The following PGRMC2 variants were observed in gnomAD, a reference collection of about 807,000 sequenced individuals.
PGRMC2 encodes membrane-associated progesterone receptor component 2.
Under a neutral mutation model 19.3 loss-of-function variants are expected in PGRMC2, and 9 were observed. The ratio of observed to expected loss-of-function variants is 0.47; its 90% CI spans 0.28 to 0.81. The LOEUF is 0.81. Ranked by LOEUF, PGRMC2 falls within the 40% of genes least tolerant of loss-of-function variation. The pLI, the probability that PGRMC2 is intolerant of heterozygous loss-of-function variation, is 0.11. For missense variants in PGRMC2, 289 were observed against 297.3 expected, an observed-to-expected ratio of 0.97 and a Z score of 0.21; for synonymous variants, 157 against 124.6, an observed-to-expected ratio of 1.26 and a Z score of -1.73.
At chr4:128,275,656 C>T (rs1357156348) in intron 1 of PGRMC2, among the ~76,000 whole-genome samples, 1 of 152,180 alleles carries the variant, frequency 6.6e-6, no homozygotes, top group Non-Finnish European at 1.5e-5. Flanking sequence ...CCTCAGGAAG[C>T]ATTTAACTTC....
In PGRMC2 at chr4:128,270,474, A is replaced by G. The variant is rs1036271763; in HGVS notation, c.*842T>C. ...TTACATTCTATATACACAGAATGAT[A>G]TCAAGGTTTTATGGTCAACAGAATA... On this transcript the variant is annotated 3_prime_UTR_variant, in exon 3 of 3. Transcript: ENST00000296425. 9 of 152,806 alleles carry G rather than the reference A, an allele frequency of 5.9e-5. No individual in the cohort carries two copies. Among genetic ancestry groups the G allele is most frequent in the African/African-American group, 1.7e-4 (7 of 41,594 alleles). The allele number at this position is 152,806 out of a possible 1,614,324, so 9.5% of individuals were successfully genotyped here. A position where few individuals can be genotyped will look rare whatever the true frequency, so the allele number is the denominator to read the frequency against.
intron 1 of PGRMC2, among the ~76,000 whole-genome samples, chr4:128,278,121 G>A (rs1253308217): frequency 2.0e-5 from 3 of 152,164 alleles, no homozygotes; most frequent in Non-Finnish European, 2.9e-5. Flanking sequence ...GCCCAGGCCC[G>A]TGCCACTTAT....
Position 128,280,410 on chromosome 4 carries a change from T to C in PGRMC2, c.418+6963A>G, listed in dbSNP as rs371915653. 1.4e-3 allele frequency among the ~76,000 whole-genome samples: 196 copies of C among 141,958 alleles called. No homozygotes were observed. The South Asian group carries it at 0.022, about 16-fold the overall frequency. 93.1% of individuals were successfully genotyped at this position (141,958 alleles called of 152,430 possible). A position where few individuals can be genotyped will look rare whatever the true frequency, so the allele number is the denominator to read the frequency against. ...ATCCACAGACTTGAGTAGAGTTTGG[T>C]ACATGGTAAATAAAATCAAATCCAT... On this transcript the variant is annotated intron_variant, in intron 1 of 2. Coordinates refer to ENST00000296425, the MANE Select transcript of PGRMC2 (RefSeq NM_006320.6).
At chr4:128,278,808 A>G (rs2110561643) in intron 1 of PGRMC2, among the ~76,000 whole-genome samples, 1 of 152,360 alleles carries the variant, frequency 6.6e-6, no homozygotes, top group African/African-American at 2.4e-5. Context: ...GGTTCAAAAA[A>G]ACACCATAAA....
At chr4:128,280,189 T>G (rs552914065) in intron 1 of PGRMC2, among the ~76,000 whole-genome samples, 1 of 151,154 alleles carries the variant, frequency 6.6e-6, no homozygotes, top group Non-Finnish European at 1.5e-5. Flanking sequence ...AGAAGCAGAT[T>G]AAAGAACTAA....
Position 128,287,802 on chromosome 4 carries a change from A to T in PGRMC2, c.-12T>A, listed in dbSNP as rs371210722. 3 of 1,511,128 alleles carry T rather than the reference A, an allele frequency of 2.0e-6. No individual in the cohort carries two copies. The highest frequency in any genetic ancestry group is 2.3e-5 in the South Asian group (2 of 86,338). The allele number at this position is 1,511,128 out of a possible 1,614,324, so 93.6% of individuals were successfully genotyped here. A position where few individuals can be genotyped will look rare whatever the true frequency, so the allele number is the denominator to read the frequency against. Reference sequence around the variant, plus strand: ...TCACCAGCCGCCATCACTGCCCGCCAGCGCCTTCCTCCTCCTCCCCGCCCC... The same window carrying T: ...TCACCAGCCGCCATCACTGCCCGCCTGCGCCTTCCTCCTCCTCCCCGCCCC... On this transcript the variant is annotated 5_prime_UTR_variant, in exon 1 of 3. Transcript: ENST00000296425.
chr4:128,272,364 T>C lies in PGRMC2; in HGVS notation c.572A>G (p.Lys191Arg). 1.3e-6 allele frequency: 2 copies of C among 1,485,726 alleles called. No homozygotes were observed. The highest frequency in any genetic ancestry group is 2.5e-5 in the Admixed American group (1 of 40,734). The allele number at this position is 1,485,726 out of a possible 1,614,324, so 92.0% of individuals were successfully genotyped here. ...ESVREWEMQF[K>R]EKYDYVGRLL... ...AGAATCCAACAAAATAAAAATACCT[T>C]TAAACTGCATTTCCCATTCTCGAAC... Residue 191 changes from lysine (K) to arginine (R), a missense_variant and splice_region_variant, in exon 2 of 3, where the codon AAA becomes AGA. Coordinates refer to ENST00000296425, the MANE Select transcript of PGRMC2 (RefSeq NM_006320.6).
intron 1 of PGRMC2, among the ~76,000 whole-genome samples, chr4:128,280,737 A>T (rs578220556): frequency 6.6e-6 from 1 of 152,234 alleles, no homozygotes; most frequent in South Asian, 2.1e-4. Context: ...AGCTGGGGCC[A>T]CAGGTGCATG....
chr4:128,276,452 TG>T (rs1760814545), intron 1 of PGRMC2, among the ~76,000 whole-genome samples: 1 of 152,096 alleles, frequency 6.6e-6, no homozygotes, highest in Non-Finnish European at 1.5e-5. Flanking sequence ...CCCAAGTAGC[TG>T]GGATTATTGG....
chr4:128,283,608 T>C (rs552465326), intron 1 of PGRMC2, among the ~76,000 whole-genome samples: 6 of 152,274 alleles, frequency 3.9e-5, no homozygotes, highest in African/African-American at 1.4e-4. Context: ...TACTTTTAAT[T>C]AGCCACCTGG....
chr4:128,276,279 C>G (rs1316179910), intron 1 of PGRMC2, among the ~76,000 whole-genome samples: 2 of 152,078 alleles, frequency 1.3e-5, no homozygotes, highest in Non-Finnish European at 2.9e-5. Flanking sequence ...GGGAGCTCCC[C>G]AAATAAAGCC....
chr4:128,274,507 T>C (rs1760776981), intron 1 of PGRMC2, among the ~76,000 whole-genome samples: 1 of 128,380 alleles, frequency 7.8e-6, no homozygotes, highest in African/African-American at 3.0e-5. Context: ...CAAGACTCCT[T>C]CTCCAAAGAA....
At chr4:128,286,859 GA>G (rs1416213798) in intron 1 of PGRMC2, 41 of 349,120 alleles carry the variant, frequency 1.2e-4, no homozygotes, top group Non-Finnish European at 1.9e-4. Flanking sequence ...TACAGCGAGG[GA>G]AAAAAGGAGA....
chr4:128,271,186 A>G lies in PGRMC2; in HGVS notation c.*130T>C. 1 of 518,570 alleles carries G rather than the reference A, an allele frequency of 1.9e-6. No individual in the cohort carries two copies. Among genetic ancestry groups the G allele is most frequent in the Non-Finnish European group, 3.5e-6 (1 of 286,582 alleles). The allele number at this position is 518,570 out of a possible 1,614,324, so 32.1% of individuals were successfully genotyped here. ...TATTCAAATCTTCATAGTGAGATTA[A>G]TTTATCTTGTACACAATTTGTTGAA... On this transcript the variant is annotated 3_prime_UTR_variant, in exon 3 of 3. Coordinates refer to ENST00000296425, the MANE Select transcript of PGRMC2 (RefSeq NM_006320.6).
intron 2 of PGRMC2, 120 bp downstream of exon 2, chr4:128,272,242 T>C: frequency 1.7e-6 from 1 of 587,382 alleles, no homozygotes; most frequent in Non-Finnish European, 2.6e-6. Context: ...AAAAATATTA[T>C]CAAATAATGA....
chr4:128,273,769 A>G (rs1294551660), intron 1 of PGRMC2, among the ~76,000 whole-genome samples: 1 of 152,228 alleles, frequency 6.6e-6, no homozygotes, highest in Admixed American at 6.5e-5. Context: ...TTAAATAGAT[A>G]TCTAAGCATT....
chr4:128,287,243 C>A (rs1390317389), intron 1 of PGRMC2, 130 bp downstream of exon 1: 7 of 1,070,624 alleles, frequency 6.5e-6, no homozygotes, highest in African/African-American at 1.6e-5. Context: ...CCAGGTGCGG[C>A]GGCCGAGGCG....
In PGRMC2 at chr4:128,271,285, G is replaced by C. The variant is rs777984702; in HGVS notation, c.*31C>G. On this transcript the variant is annotated 3_prime_UTR_variant, in exon 3 of 3. Coordinates refer to ENST00000296425, the MANE Select transcript of PGRMC2 (RefSeq NM_006320.6). ...GAAAGGGAGTAAGAATTGCAGTTCTGAAGGCCCCTGACTTTGGTTGTTTAC... is the reference window on the plus strand; with the variant it reads ...GAAAGGGAGTAAGAATTGCAGTTCTCAAGGCCCCTGACTTTGGTTGTTTAC... The C allele has an allele frequency of 8.3e-7, 1 of 1,202,910 alleles. No homozygotes were observed. The highest frequency in any genetic ancestry group is 1.2e-6 in the Non-Finnish European group (1 of 815,464). 74.5% of individuals were successfully genotyped at this position (1,202,910 alleles called of 1,614,324 possible). A position where few individuals can be genotyped will look rare whatever the true frequency, so the allele number is the denominator to read the frequency against.
chr4:128,287,353 C>A lies in PGRMC2; in HGVS notation c.418+20G>T. On this transcript the variant is annotated intron_variant, in intron 1 of 2. Transcript: ENST00000296425. ...GCTTCAGCTGCAGGGGGTCCTTCCC[C>A]TCCCCTTCCAACTCCTCACCCGGGC... is the stretch of plus-strand genomic sequence containing the variant. 2 of 1,581,556 alleles carry A rather than the reference C, an allele frequency of 1.3e-6. No homozygotes were observed. The highest frequency in any genetic ancestry group is 8.6e-7 in the Non-Finnish European group (1 of 1,158,642).
Sources: allele counts gnomAD v4.1 joint callset (sites outside exome capture counted in the v4.1 genomes callset), GRCh38; gene constraint gnomAD v4.1.1; transcripts MANE v1.5; gene names NCBI Gene and HGNC (gene_info 2026-07-23, HGNC 2026-07-21).